GRIN2A: variants seen among roughly 807,000 people sequenced by gnomAD.
GRIN2A encodes the protein glutamate receptor ionotropic, NMDA 2A.
GRIN2A carries 22 observed loss-of-function variants against 113.4 expected under a neutral mutation model. The ratio of observed to expected loss-of-function variants is 0.19; its 90% confidence interval spans 0.14 to 0.28. The LOEUF (loss-of-function observed/expected upper bound fraction) is 0.28, where lower values mean the gene tolerates loss of function less well. Among genes scored for constraint, GRIN2A ranks in the 10% least tolerant of loss-of-function variants. The probability of loss-of-function intolerance (pLI) is 1.00; values close to 1 mark genes in which losing one functional copy is unlikely to be tolerated. For synonymous variants in GRIN2A, 827 were observed against 738.4 expected, an observed-to-expected ratio of 1.12 and a Z score of -1.94; for missense variants, 1,502 against 1,887.0, an observed-to-expected ratio of 0.80 and a Z score of 3.78.
chr16:10,029,277 C>T (rs1041144528), intron 2 of GRIN2A, among the ~76,000 whole-genome samples: 1 of 152,144 alleles, frequency 6.6e-6, no homozygotes, highest in Non-Finnish European at 1.5e-5. Context: ...TCACCGCAAC[C>T]TCCGCCTTCC....
chr16:10,144,501 A>T lies in GRIN2A; in HGVS notation c.414+35497T>A, dbSNP rs149512437. On this transcript the variant is annotated intron_variant, in intron 2 of 12. Transcript: ENST00000330684. ...TTTCAAGTCCTTTGTCCATTTTTTA[A>T]TTGTCCATTTAATAATTTTCACTAC... Among the ~76,000 whole-genome samples, 774 of 152,222 alleles carry T rather than the reference A, an allele frequency of 5.1e-3. 4 individuals are homozygous for T. Among genetic ancestry groups the T allele is most frequent in the Non-Finnish European group, 8.4e-3 (573 of 68,006 alleles).
chr16:9,871,243 T>C (rs1332964843), intron 4 of GRIN2A, among the ~76,000 whole-genome samples: 2 of 152,036 alleles, frequency 1.3e-5, no homozygotes, highest in Non-Finnish European at 2.9e-5. Context: ...ACAGCAAATA[T>C]GTGAAAGAAC....
rs760522909 is a variant in GRIN2A at position 9,764,513 on chromosome 16, G to A, written c.3031C>T (p.Arg1011Trp). 37 of 1,613,878 alleles carry A rather than the reference G, an allele frequency of 2.3e-5. No homozygotes were observed. The highest frequency in any genetic ancestry group is 2.0e-4 in the Admixed American group (12 of 59,994). ...STESKANSRPRQLWKKSVDSI... is the reference protein window; with the variant it reads ...STESKANSRPWQLWKKSVDSI... Reference sequence around the variant, plus strand: ...TCCACGGATTTCTTCCACAGCTGCCGGGGTCTAGAGTTCGCTTTGGATTCT... The same window carrying A: ...TCCACGGATTTCTTCCACAGCTGCCAGGGTCTAGAGTTCGCTTTGGATTCT... Residue 1011 changes from arginine (R) to tryptophan (W), a missense_variant, in exon 13 of 13, where the codon CGG becomes TGG. By Grantham distance (101) the Arg-to-Trp change is moderately radical (BLOSUM62 -3). Coordinates refer to ENST00000330684, the MANE Select transcript of GRIN2A (RefSeq NM_001134407.3).
chr16:9,797,835 G>T (rs936004854), intron 11 of GRIN2A, among the ~76,000 whole-genome samples: 1 of 152,090 alleles, frequency 6.6e-6, no homozygotes, highest in Non-Finnish European at 1.5e-5. Context: ...TCTGGCCCTG[G>T]CCTCTACCCA....
rs1900826621 is a variant in GRIN2A, at chr16:9,764,957, G to A, written c.2596-9C>T. On this transcript the variant is annotated splice_polypyrimidine_tract_variant and intron_variant, in intron 12 of 12. Transcript: ENST00000330684. ...ATGCAGCTGTAGATGCCCTGTAGGG[G>A]AGCAACATAAAGCACTGTCAGCAGC... The A allele has an allele frequency of 6.2e-7, 1 of 1,613,938 alleles. No individual in the cohort carries two copies. The highest frequency in any genetic ancestry group is 8.5e-7 in the Non-Finnish European group (1 of 1,180,004).
At chr16:10,103,118 G>A (rs58991479) in intron 2 of GRIN2A, among the ~76,000 whole-genome samples, 33,335 of 152,054 alleles carry the variant, frequency 0.22, 4,103 homozygotes, top group East Asian at 0.44. Context: ...AGACCCACTC[G>A]CAACTATGAG....
At chr16:10,019,043 A>C (rs542692627) in intron 2 of GRIN2A, among the ~76,000 whole-genome samples, 1 of 150,990 alleles carries the variant, frequency 6.6e-6, no homozygotes, top group East Asian at 1.9e-4. Context: ...CAATAAGTCC[A>C]AGGAAGTGTT....
At chr16:10,078,575 C>A (rs7500790) in intron 2 of GRIN2A, among the ~76,000 whole-genome samples, 71,482 of 151,762 alleles carry the variant, frequency 0.47, 17,888 homozygotes, top group East Asian at 0.9. Context: ...CCCCTGGGGG[C>A]AGGAGAAGCC....
intron 10 of GRIN2A, among the ~76,000 whole-genome samples, chr16:9,800,374 G>A (rs1903286637): frequency 6.6e-6 from 1 of 152,138 alleles, no homozygotes; most frequent in African/African-American, 2.4e-5. Context: ...ACTCTAAAAT[G>A]GGTAAGAAAA....
intron 2 of GRIN2A, among the ~76,000 whole-genome samples, chr16:10,068,552 C>T (rs1180958202): frequency 1.3e-5 from 2 of 152,306 alleles, no homozygotes; most frequent in East Asian, 3.9e-4. Context: ...AAGAGTGTGG[C>T]CCAAGCCATT....
At chr16:9,987,685 T>C (rs986615905) in intron 2 of GRIN2A, among the ~76,000 whole-genome samples, 3 of 152,146 alleles carry the variant, frequency 2.0e-5, no homozygotes, top group African/African-American at 7.2e-5. Flanking sequence ...ATGGAGAAGG[T>C]CTCATTCATG....
At chr16:10,055,039 C>G (rs1376654418) in intron 2 of GRIN2A, among the ~76,000 whole-genome samples, 1 of 55,632 alleles carries the variant, frequency 1.8e-5, no homozygotes, top group Admixed American at 3.2e-4. Context: ...CAGAGCGAGA[C>G]TCTATCTCAA....
chr16:10,045,860 A>T (rs2047248506), intron 2 of GRIN2A, among the ~76,000 whole-genome samples: 1 of 152,198 alleles, frequency 6.6e-6, no homozygotes, highest in Non-Finnish European at 1.5e-5. Flanking sequence ...CTTTTGCCCT[A>T]TGCCAGGGTT....
At chr16:9,837,157 G>A (rs998952675) in intron 7 of GRIN2A, among the ~76,000 whole-genome samples, 9 of 152,138 alleles carry the variant, frequency 5.9e-5, no homozygotes, top group African/African-American at 2.2e-4. Flanking sequence ...TAGCTTAGCT[G>A]GTTCATTATG....
intron 2 of GRIN2A, among the ~76,000 whole-genome samples, chr16:9,982,520 C>T (rs2045910442): frequency 6.6e-6 from 1 of 152,202 alleles, no homozygotes; most frequent in African/African-American, 2.4e-5. Flanking sequence ...ACAAGAAGGG[C>T]AGAATACAGT....
chr16:10,012,466 T>A (rs1354253532), intron 2 of GRIN2A, among the ~76,000 whole-genome samples: 8 of 152,212 alleles, frequency 5.3e-5, no homozygotes, highest in African/African-American at 1.9e-4. Context: ...AAATGCAACA[T>A]CTAGCATGGA....
intron 4 of GRIN2A, among the ~76,000 whole-genome samples, chr16:9,854,267 T>G (rs1408621627): frequency 6.6e-6 from 1 of 152,036 alleles, no homozygotes; most frequent in Non-Finnish European, 1.5e-5. Flanking sequence ...ATTCTCTCCC[T>G]TGCTCTTACT....
At chr16:10,076,853 C>T (rs1198161096) in intron 2 of GRIN2A, among the ~76,000 whole-genome samples, 1 of 152,176 alleles carries the variant, frequency 6.6e-6, no homozygotes, top group Non-Finnish European at 1.5e-5. Context: ...AGCACTGGTC[C>T]CCAACAAGGT....
At chr16:9,910,698 T>G (rs2044117737) in intron 3 of GRIN2A, among the ~76,000 whole-genome samples, 1 of 152,026 alleles carries the variant, frequency 6.6e-6, no homozygotes. Context: ...CCACTACACC[T>G]GGCTAATTTT....
Sources: gnomAD v4.1 joint callset for allele counts (sites outside exome capture counted in the v4.1 genomes callset) on GRCh38, gnomAD v4.1.1 for gene constraint, MANE v1.5 for transcripts, NCBI Gene and HGNC (gene_info 2026-07-23, HGNC 2026-07-21) for gene names.